The following ENTREP2 variants were observed in gnomAD, a reference collection of about 807,000 sequenced individuals.
The protein encoded by ENTREP2 is protein ENTREP2.
At chr15:29,444,199 AAAGAAAGAAAGAAAGAAAG>A in the ENTREP2 span, among the ~76,000 whole-genome samples, 1 of 144,666 alleles carries the variant, frequency 6.9e-6, no homozygotes, top group Non-Finnish European at 1.5e-5. Context: ...AGAAAGAAAG[AAAGAAAGAAAGAAAGAAAG>A]AAAGAAAGAA....
the ENTREP2 span, among the ~76,000 whole-genome samples, chr15:29,623,825 T>TC: frequency 1.3e-5 from 2 of 152,212 alleles, no homozygotes; most frequent in Non-Finnish European, 2.9e-5. Context: ...CTCTCCCTCC[T>TC]CCTGGGTTCA....
chr15:29,487,165 T>C, the ENTREP2 span, among the ~76,000 whole-genome samples: 1 of 152,196 alleles, frequency 6.6e-6, no homozygotes, highest in Non-Finnish European at 1.5e-5. Flanking sequence ...CAGTTATTAT[T>C]TGACAACTAA....
the ENTREP2 span, among the ~76,000 whole-genome samples, chr15:29,529,827 T>A: frequency 6.6e-6 from 1 of 152,180 alleles, no homozygotes; most frequent in Non-Finnish European, 1.5e-5. Flanking sequence ...ATTTTAGATA[T>A]AGCAAAAACT....
At chr15:29,345,256 T>C in the ENTREP2 span, among the ~76,000 whole-genome samples, 3 of 152,198 alleles carry the variant, frequency 2.0e-5, no homozygotes, top group Non-Finnish European at 4.4e-5. Context: ...TTTGGAAACA[T>C]ATCACATGGA....
chr15:29,564,639 T>A, the ENTREP2 span, among the ~76,000 whole-genome samples: 1 of 152,340 alleles, frequency 6.6e-6, no homozygotes, highest in African/African-American at 2.4e-5. Flanking sequence ...CTCTCAGGTC[T>A]GCCCACCAGA....
At chr15:29,543,518 C>A in the ENTREP2 span, among the ~76,000 whole-genome samples, 2 of 141,258 alleles carry the variant, frequency 1.4e-5, no homozygotes, top group Admixed American at 6.9e-5. Flanking sequence ...CAGTGGCTCA[C>A]GCCTGTAATC....
the ENTREP2 span, among the ~76,000 whole-genome samples, chr15:29,485,652 A>G: frequency 1.3e-5 from 2 of 152,218 alleles, no homozygotes; most frequent in African/African-American, 4.8e-5. Flanking sequence ...GAACTCAAAC[A>G]TCTCAACAGC....
At chr15:29,604,679 T>C in the ENTREP2 span, among the ~76,000 whole-genome samples, 8 of 152,206 alleles carry the variant, frequency 5.3e-5, no homozygotes, top group Non-Finnish European at 1.0e-4. Context: ...TTAACCAAAA[T>C]ATTGTTTTAT....
At chr15:29,617,093 A>T in the ENTREP2 span, among the ~76,000 whole-genome samples, 1 of 151,894 alleles carries the variant, frequency 6.6e-6, no homozygotes, top group African/African-American at 2.4e-5. Context: ...TAAATAAGAT[A>T]AGATTTATTA....
the ENTREP2 span, among the ~76,000 whole-genome samples, chr15:29,170,536 C>T: frequency 1.9e-4 from 29 of 152,148 alleles, no homozygotes; most frequent in African/African-American, 7.0e-4. Context: ...CTTTCCAAAT[C>T]AACTTATAAA....
the ENTREP2 span, among the ~76,000 whole-genome samples, chr15:29,362,059 A>G: frequency 6.6e-6 from 1 of 151,918 alleles, no homozygotes; most frequent in Non-Finnish European, 1.5e-5. Context: ...AAACACACAG[A>G]CTCTGGGACT....
At chr15:29,268,690 C>T in the ENTREP2 span, 4 of 1,225,214 alleles carry the variant, frequency 3.3e-6, no homozygotes, top group South Asian at 1.6e-5. Context: ...GAAGCGTTTA[C>T]AGCAATATGC....
the ENTREP2 span, among the ~76,000 whole-genome samples, chr15:29,575,018 G>A: frequency 2.6e-5 from 4 of 152,216 alleles, no homozygotes; most frequent in Non-Finnish European, 2.9e-5. Flanking sequence ...GAAGGAATGC[G>A]GAGAGGTGTG....
the ENTREP2 span, among the ~76,000 whole-genome samples, chr15:29,598,662 T>C: frequency 2.6e-5 from 4 of 152,094 alleles, no homozygotes; most frequent in African/African-American, 9.6e-5. Flanking sequence ...CATTCATCCA[T>C]TGTTGAAGTG....
At chr15:29,489,855 G>A in the ENTREP2 span, among the ~76,000 whole-genome samples, 1 of 152,220 alleles carries the variant, frequency 6.6e-6, no homozygotes, top group African/African-American at 2.4e-5. Flanking sequence ...CAACTAGGCT[G>A]TGCTGACACA....
At chr15:29,252,152 A>G in the ENTREP2 span, among the ~76,000 whole-genome samples, 2 of 152,336 alleles carry the variant, frequency 1.3e-5, no homozygotes, top group East Asian at 3.9e-4. Flanking sequence ...AAGAAGAAAA[A>G]GTTTTAATTG....
chr15:29,204,801 A>G, the ENTREP2 span, among the ~76,000 whole-genome samples: 1 of 152,194 alleles, frequency 6.6e-6, no homozygotes, highest in Admixed American at 6.5e-5. Context: ...ACTAGACCCT[A>G]ATTTTTAAAT....
chr15:29,420,889 G>A, the ENTREP2 span, among the ~76,000 whole-genome samples: 2 of 152,126 alleles, frequency 1.3e-5, no homozygotes, highest in Non-Finnish European at 2.9e-5. Context: ...GGCATTCTGA[G>A]GCTGGTCCCA....
chr15:29,652,587 C>G, the ENTREP2 span, among the ~76,000 whole-genome samples: 1 of 152,232 alleles, frequency 6.6e-6, no homozygotes, highest in African/African-American at 2.4e-5. Context: ...GCTGTGACTC[C>G]CTCTTTGAGG....
Sources: gnomAD v4.1 joint callset for allele counts (sites outside exome capture counted in the v4.1 genomes callset) on GRCh38, gnomAD v4.1.1 for gene constraint, MANE v1.5 for transcripts, NCBI Gene and HGNC (gene_info 2026-07-23, HGNC 2026-07-21) for gene names.